Variants in EPB41L3 observed in about 807,000 individuals in gnomAD.
The protein encoded by EPB41L3 is erythrocyte membrane protein band 4.1 like 3.
A neutral mutation model predicts 127.1 loss-of-function variants in EPB41L3; 57 were observed. The observed-to-expected ratio is 0.45, with a 90% CI of 0.36 to 0.56. EPB41L3 has a LOEUF of 0.56. Among genes scored for constraint, EPB41L3 ranks in the 20% least tolerant of loss-of-function variants. The pLI is 0.00. For synonymous variants in EPB41L3, 572 were observed against 549.5 expected (o/e 1.04, Z -0.57); for missense variants, 1,273 against 1,372.2 (o/e 0.93, Z 1.14).
chr18:5,495,358 T>A (rs1479229171), intron 1 of EPB41L3, among the ~76,000 whole-genome samples: 1 of 150,800 alleles, frequency 6.6e-6, no homozygotes, highest in Non-Finnish European at 1.5e-5. Context: ...GACAAAGATT[T>A]CATAACAGAA....
At chr18:5,616,329 G>A (rs2094794792) in intron 1 of EPB41L3, among the ~76,000 whole-genome samples, 1 of 152,014 alleles carries the variant, frequency 6.6e-6, no homozygotes, top group African/African-American at 2.4e-5. Context: ...AGCCTCCCTT[G>A]TGAATCCTTC....
At chr18:5,484,830 T>C (rs968500651) in intron 2 of EPB41L3, among the ~76,000 whole-genome samples, 26 of 151,464 alleles carry the variant, frequency 1.7e-4, no homozygotes, top group African/African-American at 5.3e-4. Flanking sequence ...AGTAATGAGA[T>C]CAAAGCTATA....
intron 1 of EPB41L3, chr18:5,521,455 C>CTGATA (rs761437565): frequency 2.0e-5 from 3 of 152,196 alleles, no homozygotes; most frequent in Non-Finnish European, 4.4e-5. Context: ...ACGTGTGTCA[C>CTGATA]TGATACTCAA....
At chr18:5,552,764 T>C (rs542994860) in intron 3 of EPB41L3, among the ~76,000 whole-genome samples, 1 of 152,196 alleles carries the variant, frequency 6.6e-6, no homozygotes, top group Non-Finnish European at 1.5e-5. Context: ...TAGAATCTAT[T>C]ATTACCCTTA....
intron 1 of EPB41L3, among the ~76,000 whole-genome samples, chr18:5,529,709 C>T (rs1408177379): frequency 6.6e-6 from 1 of 152,178 alleles, no homozygotes; most frequent in Admixed American, 6.5e-5. Flanking sequence ...TTCTCCCTTG[C>T]AGATTCTCTT....
chr18:5,468,710 C>T lies in EPB41L3; in HGVS notation c.381+9531G>A, dbSNP rs573826930. ...GGCAGATCATCTGAGGTCAGGAGTT[C>T]GAGATCAGCCTGGCCAACATGGCAA... On this transcript the variant is annotated intron_variant, in intron 3 of 22. Transcript: ENST00000341928. 9.9e-5 allele frequency among the ~76,000 whole-genome samples: 15 copies of T among 152,262 alleles called. 1 individual carries two copies. The East Asian group carries it at 1.2e-3, about 12-fold the overall frequency.
intron 3 of EPB41L3, among the ~76,000 whole-genome samples, chr18:5,605,982 G>A (rs897916004): frequency 4.6e-5 from 7 of 152,122 alleles, no homozygotes; most frequent in African/African-American, 9.7e-5. Flanking sequence ...TTCCAGGGAC[G>A]CTAATGGCAC....
intron 16 of EPB41L3, among the ~76,000 whole-genome samples, chr18:5,402,235 G>C (rs919254932): frequency 1.3e-5 from 2 of 148,936 alleles, no homozygotes; most frequent in African/African-American, 4.9e-5. Flanking sequence ...TATTGGAAAA[G>C]ATAAAATGTA....
At chr18:5,504,421 C>T (rs762446925) in intron 1 of EPB41L3, among the ~76,000 whole-genome samples, 1 of 152,090 alleles carries the variant, frequency 6.6e-6, no homozygotes, top group Non-Finnish European at 1.5e-5. Flanking sequence ...GTATTCTTTT[C>T]TTTTCACCCA....
chr18:5,567,198 C>T (rs1021331755), intron 3 of EPB41L3: 2 of 152,324 alleles, frequency 1.3e-5, no homozygotes, highest in Non-Finnish European at 2.9e-5. Context: ...TCTCACAAGC[C>T]TCTTCCTTCC....
intron 2 of EPB41L3, 127 bp from the exon 3 acceptor site, chr18:5,478,565 T>C: frequency 1.3e-6 from 1 of 741,144 alleles, no homozygotes; most frequent in Non-Finnish European, 2.2e-6. Flanking sequence ...ATATTAGGAA[T>C]AGATATAAAT....
chr18:5,439,656 T>C (rs1204054846), intron 5 of EPB41L3, among the ~76,000 whole-genome samples: 1 of 152,212 alleles, frequency 6.6e-6, no homozygotes, highest in Non-Finnish European at 1.5e-5. Flanking sequence ...AATATATCTG[T>C]CAGTCAAACA....
At chr18:5,565,643 G>A (rs1211299939) in intron 3 of EPB41L3, among the ~76,000 whole-genome samples, 1 of 85,060 alleles carries the variant, frequency 1.2e-5, no homozygotes, top group African/African-American at 4.5e-5. Context: ...AACAGGCCCC[G>A]GTGTGTGATG....
intron 1 of EPB41L3, among the ~76,000 whole-genome samples, chr18:5,524,190 G>C (rs1254237732): frequency 1.3e-5 from 2 of 151,222 alleles, no homozygotes; most frequent in African/African-American, 4.9e-5. Flanking sequence ...TGTTGTTGTT[G>C]TTTTTTGTTT....
chr18:5,515,506 G>T (rs987808213), intron 1 of EPB41L3, among the ~76,000 whole-genome samples: 55 of 152,288 alleles, frequency 3.6e-4, no homozygotes, highest in African/African-American at 1.3e-3. Context: ...ATTCAGAATT[G>T]CAGAGAACAT....
intron 9 of EPB41L3, among the ~76,000 whole-genome samples, chr18:5,424,619 G>T (rs933150791): frequency 2.0e-5 from 3 of 152,138 alleles, no homozygotes; most frequent in Non-Finnish European, 2.9e-5. Context: ...TGATACAACT[G>T]AAAACCAAAC....
intron 6 of EPB41L3, among the ~76,000 whole-genome samples, chr18:5,436,971 G>T (rs2079934147): frequency 6.6e-6 from 1 of 152,132 alleles, no homozygotes; most frequent in African/African-American, 2.4e-5. Context: ...CCTCCAAAAA[G>T]AATGCAAAGC....
chr18:5,425,325 A>T (rs1000333471), intron 9 of EPB41L3, among the ~76,000 whole-genome samples: 2 of 152,178 alleles, frequency 1.3e-5, no homozygotes, highest in African/African-American at 4.8e-5. Flanking sequence ...CTTCAACCGC[A>T]ATTGCCTTTC....
chr18:5,395,754 C>T (rs1163604044), intron 19 of EPB41L3, 47 bp from the exon 20 acceptor site: 1 of 1,469,892 alleles, frequency 6.8e-7, no homozygotes, highest in African/African-American at 1.4e-5. Flanking sequence ...CTCACATCTG[C>T]TCTTCAGAAG....
Sources: gnomAD v4.1 joint callset for allele counts (sites outside exome capture counted in the v4.1 genomes callset) on GRCh38, gnomAD v4.1.1 for gene constraint, MANE v1.5 for transcripts, NCBI Gene and HGNC (gene_info 2026-07-23, HGNC 2026-07-21) for gene names.